Variants in SETD2 observed in about 807,000 individuals in gnomAD.
SETD2 encodes the protein SET domain containing 2, histone lysine methyltransferase.
SETD2 carries 31 observed loss-of-function variants against 242.1 expected under a neutral mutation model. That is an observed-to-expected ratio of 0.13 (90% CI 0.10 to 0.17). The LOEUF (loss-of-function observed/expected upper bound fraction) is 0.17. Among genes scored for constraint, SETD2 ranks in the 10% least tolerant of loss-of-function variants. The pLI is 1.00. For missense variants in SETD2, 2,481 were observed against 3,046.3 expected, an observed-to-expected ratio of 0.81 and a Z score of 4.37; for synonymous variants, 1,006 against 1,066.5, an observed-to-expected ratio of 0.94 and a Z score of 1.11.
chr3:47,151,591 G>A (rs1308450397), intron 1 of SETD2, among the ~76,000 whole-genome samples: 2 of 152,106 alleles, frequency 1.3e-5, no homozygotes, highest in African/African-American at 4.8e-5. Flanking sequence ...ATGTGGGGAG[G>A]CCAAGGCGGG....
rs1383486135 is a variant in SETD2, at chr3:47,126,667, T to G, written c.72-4A>C. 4 of 1,338,988 alleles carry G rather than the reference T, an allele frequency of 3.0e-6. No individual in the cohort carries two copies. Among genetic ancestry groups the G allele is most frequent in the Non-Finnish European group, 4.2e-6 (4 of 958,434 alleles). 82.9% of individuals were successfully genotyped at this position (1,338,988 alleles called of 1,614,324 possible). A position where few individuals can be genotyped will look rare whatever the true frequency, so the allele number is the denominator to read the frequency against. On this transcript the variant is annotated splice_polypyrimidine_tract_variant and splice_region_variant and intron_variant, in intron 1 of 20. Coordinates refer to ENST00000409792, the MANE Select transcript of SETD2 (RefSeq NM_014159.7). Reference sequence around the variant, plus strand: ...ACTTACCTCATTTTCTTCTTCTCTATTTCCATTCAGCCAAGAAAACATGCA... The same window carrying G: ...ACTTACCTCATTTTCTTCTTCTCTAGTTCCATTCAGCCAAGAAAACATGCA...
intron 1 of SETD2, among the ~76,000 whole-genome samples, chr3:47,157,800 G>C (rs868182970): frequency 2.0e-5 from 3 of 151,770 alleles, no homozygotes; most frequent in Non-Finnish European, 4.4e-5. Flanking sequence ...TTAAACCCAG[G>C]GGGCAGAGGT....
chr3:47,086,093 G>C, intron 11 of SETD2, 102 bp downstream of exon 11: 1 of 1,286,122 alleles, frequency 7.8e-7, no homozygotes, highest in Non-Finnish European at 1.1e-6. Context: ...TAATACCAAT[G>C]ATACAGTGCT....
At position 47,164,066 on chromosome 3, in the gene SETD2, C is replaced by G. The variant is rs1697596530; in HGVS notation, c.-142G>C. On this transcript the variant is annotated 5_prime_UTR_variant, in exon 1 of 21. Transcript: ENST00000409792. This position sits in a 1 kb window ranked among gnomAD's most constrained non-coding sequence, Gnocchi z 5.4. ...CGGCAGGGGCGGCCCGCGTCGCTAC[C>G]TCGCTCGTCGCTCCCTCCCTCCCTC... The G allele has an allele frequency of 2.5e-6, 3 of 1,201,340 alleles. No homozygotes were observed. Among genetic ancestry groups the G allele is most frequent in the East Asian group, 6.9e-5 (2 of 29,016 alleles). The allele number at this position is 1,201,340 out of a possible 1,614,324, so 74.4% of individuals were successfully genotyped here.
intron 9 of SETD2, among the ~76,000 whole-genome samples, chr3:47,093,822 C>A (rs1046541539): frequency 6.6e-6 from 1 of 152,058 alleles, no homozygotes; most frequent in Non-Finnish European, 1.5e-5. Context: ...TCTTATGTAC[C>A]ATGGAACTTA....
intron 12 of SETD2, among the ~76,000 whole-genome samples, chr3:47,078,862 C>T (rs907562055): frequency 1.3e-5 from 2 of 152,006 alleles, no homozygotes; most frequent in Non-Finnish European, 2.9e-5. Context: ...TCCCAAGTGG[C>T]TGGGACTACA....
intron 17 of SETD2, among the ~76,000 whole-genome samples, chr3:47,039,252 T>C (rs2039164383): frequency 6.6e-6 from 1 of 152,048 alleles, no homozygotes; most frequent in African/African-American, 2.4e-5. Context: ...TCTCGCTCTG[T>C]GACCCAGGCT....
chr3:47,038,135 C>CCTCT (rs1481556074), intron 17 of SETD2, among the ~76,000 whole-genome samples: 6 of 152,180 alleles, frequency 3.9e-5, no homozygotes, highest in African/African-American at 1.4e-4. Context: ...CTATGTCACC[C>CCTCT]CTCTGTAGAT....
chr3:47,078,519 C>CTT (rs71098448), intron 12 of SETD2, among the ~76,000 whole-genome samples: 58 of 71,292 alleles, frequency 8.1e-4, no homozygotes, highest in Middle Eastern at 0.011. Flanking sequence ...GATTCTCAGC[C>CTT]TTTTTTTTTT....
intron 18 of SETD2, among the ~76,000 whole-genome samples, chr3:47,034,179 A>G (rs1201950810): frequency 6.6e-6 from 1 of 152,220 alleles, no homozygotes; most frequent in Non-Finnish European, 1.5e-5. Flanking sequence ...TATACATACA[A>G]TGGCAGAAAA....
intron 14 of SETD2, 74 bp from the exon 15 acceptor site, chr3:47,057,564 T>C (rs778914359): frequency 3.6e-4 from 398 of 1,102,770 alleles, no homozygotes; most frequent in Admixed American, 8.4e-4. Flanking sequence ...ATAAGTATTA[T>C]GTCACTCATG....
chr3:47,057,526 C>A, intron 14 of SETD2, 36 bp from the exon 15 acceptor site: 1 of 1,513,794 alleles, frequency 6.6e-7, no homozygotes, highest in East Asian at 2.3e-5. Flanking sequence ...AAGTTGCTCC[C>A]TAAATCATAG....
At chr3:47,156,138 T>C (rs1278610061) in intron 1 of SETD2, among the ~76,000 whole-genome samples, 2 of 152,206 alleles carry the variant, frequency 1.3e-5, no homozygotes, top group African/African-American at 4.8e-5. Context: ...CTGGTCAACT[T>C]TTGATTCTCA....
chr3:47,133,674 A>G (rs1229743448), intron 1 of SETD2, among the ~76,000 whole-genome samples: 1 of 152,190 alleles, frequency 6.6e-6, no homozygotes, highest in Admixed American at 6.5e-5. Flanking sequence ...CAGAGGTTGC[A>G]GTGAGCCAAC....
At chr3:47,102,726 G>A (rs1175189150) in intron 7 of SETD2, among the ~76,000 whole-genome samples, 7 of 149,778 alleles carry the variant, frequency 4.7e-5, no homozygotes, top group Non-Finnish European at 7.4e-5. Context: ...TCCAGGAGGC[G>A]GAGGTTGCAG....
intron 19 of SETD2, among the ~76,000 whole-genome samples, chr3:47,018,447 G>C (rs1046669300): frequency 6.6e-6 from 1 of 152,126 alleles, no homozygotes; most frequent in African/African-American, 2.4e-5. Flanking sequence ...AGAGCACTTT[G>C]AACAAAGTCT....
chr3:47,042,130 G>A (rs2039308002), intron 17 of SETD2, among the ~76,000 whole-genome samples: 1 of 152,146 alleles, frequency 6.6e-6, no homozygotes, highest in Non-Finnish European at 1.5e-5. Context: ...AGGCGGGCAG[G>A]GCAGATCACC....
At chr3:47,078,491 A>C (rs987156953) in intron 12 of SETD2, among the ~76,000 whole-genome samples, 2 of 148,136 alleles carry the variant, frequency 1.4e-5, no homozygotes, top group Admixed American at 6.8e-5. Flanking sequence ...AACTCAATTA[A>C]TGTGTGCTCC....
chr3:47,083,860 T>C lies in SETD2; in HGVS notation c.5920A>G (p.Ile1974Val), dbSNP rs867673390. The change falls in exon 12 of 21, where the codon ATT (isoleucine) becomes GTT (valine). Residue 1974 changes from isoleucine (I) to valine (V), a missense_variant. Physicochemically the swap from Ile to Val is conservative, Grantham distance 29. Transcript: ENST00000409792. ...TCTTGGGATGGTGTTTCTTCATTAA[T>C]AGGTTCTTCTAGTTTTGTGCCGTTG... ...ESNGTKLEEPINEETPSQDEE... is the reference protein window; with the variant it reads ...ESNGTKLEEPVNEETPSQDEE... 1.9e-6 allele frequency: 3 copies of C among 1,614,216 alleles called. No homozygotes were observed. Among genetic ancestry groups the C allele is most frequent in the East Asian group, 2.2e-5 (1 of 44,892 alleles).
Sources: allele counts gnomAD v4.1 joint callset (sites outside exome capture counted in the v4.1 genomes callset), GRCh38; gene constraint gnomAD v4.1.1; non-coding constraint Gnocchi (gnomAD v3.1); transcripts MANE v1.5; gene names NCBI Gene and HGNC (gene_info 2026-07-23, HGNC 2026-07-21).